Variants in NTF3 observed in about 807,000 individuals in gnomAD.
NTF3 encodes the protein neurotrophin 3.
A neutral mutation model predicts 26.3 loss-of-function variants in NTF3; 8 were observed. The ratio of observed to expected loss-of-function variants is 0.30; its 90% CI spans 0.18 to 0.55. The LOEUF (loss-of-function observed/expected upper bound fraction) is 0.55. NTF3 is among the 20% of genes least tolerant of loss of function. NTF3 has a pLI of 0.93. For synonymous variants in NTF3, 154 were observed against 145.5 expected (o/e 1.06, Z -0.42); for missense variants, 276 against 352.9 (o/e 0.78, Z 1.75).
intron 1 of NTF3, among the ~76,000 whole-genome samples, chr12:5,467,213 A>G (rs1940602029): frequency 7.7e-6 from 1 of 130,396 alleles, no homozygotes. Context: ...TGTGCAACAG[A>G]GCGAGACTCC....
intron 1 of NTF3, among the ~76,000 whole-genome samples, chr12:5,466,971 G>A (rs1312104141): frequency 3.3e-5 from 5 of 152,020 alleles, no homozygotes; most frequent in East Asian, 1.9e-4. Flanking sequence ...AGTGGCTCAC[G>A]CCTGTAATTC....
chr12:5,434,432 T>C (rs1282687731), intron 1 of NTF3, among the ~76,000 whole-genome samples: 1 of 151,034 alleles, frequency 6.6e-6, no homozygotes, highest in Non-Finnish European at 1.5e-5. Flanking sequence ...ATTGTGACCA[T>C]TGAGTGAGTG....
intron 1 of NTF3, among the ~76,000 whole-genome samples, chr12:5,450,371 G>A (rs1020355275): frequency 2.0e-5 from 3 of 152,192 alleles, no homozygotes; most frequent in Non-Finnish European, 4.4e-5. Context: ...TGATAGAAAT[G>A]TTTGGGGATT....
intron 1 of NTF3, among the ~76,000 whole-genome samples, chr12:5,481,602 CAT>C (rs1406340138): frequency 1.0e-4 from 13 of 129,202 alleles, no homozygotes; most frequent in South Asian, 2.7e-4. Flanking sequence ...ACCACACACA[CAT>C]ACAGACACAC....
chr12:5,488,327 T>G (rs1159801994), intron 1 of NTF3, among the ~76,000 whole-genome samples: 1 of 152,226 alleles, frequency 6.6e-6, no homozygotes, highest in Non-Finnish European at 1.5e-5. Context: ...CACTGGTGTC[T>G]GCAGCACCTT....
intron 1 of NTF3, among the ~76,000 whole-genome samples, chr12:5,440,679 G>A (rs888042168): frequency 6.6e-5 from 10 of 152,184 alleles, no homozygotes; most frequent in African/African-American, 2.4e-4. Context: ...AGAGAGCCCA[G>A]ACTAGCTGTG....
intron 1 of NTF3, among the ~76,000 whole-genome samples, chr12:5,458,594 G>A (rs1940484098): frequency 1.3e-5 from 2 of 152,318 alleles, no homozygotes; most frequent in South Asian, 4.1e-4. Context: ...TCTGGAATAA[G>A]ATCAAAGATC....
intron 1 of NTF3, among the ~76,000 whole-genome samples, chr12:5,483,835 A>G (rs1940835908): frequency 6.6e-6 from 1 of 152,254 alleles, no homozygotes; most frequent in Non-Finnish European, 1.5e-5. Flanking sequence ...GAAGTCACCC[A>G]GAGTGATTGC....
intron 1 of NTF3, among the ~76,000 whole-genome samples, chr12:5,462,638 T>C (rs1427065978): frequency 6.6e-6 from 1 of 152,226 alleles, no homozygotes; most frequent in Non-Finnish European, 1.5e-5. Context: ...CTTTGCTTCT[T>C]TTAACATCCT....
intron 1 of NTF3, among the ~76,000 whole-genome samples, chr12:5,442,264 G>A (rs1036956501): frequency 2.6e-5 from 4 of 152,216 alleles, no homozygotes; most frequent in Admixed American, 2.6e-4. Context: ...GGAGCAAGCT[G>A]GAGGGTCCAG....
chr12:5,453,121 A>G (rs1033073080), intron 1 of NTF3, among the ~76,000 whole-genome samples: 17 of 152,378 alleles, frequency 1.1e-4, no homozygotes, highest in African/African-American at 4.1e-4. Context: ...CACATGTAGA[A>G]TGCTTAGAAC....
At chr12:5,447,405 G>A (rs1057016883) in intron 1 of NTF3, among the ~76,000 whole-genome samples, 4 of 152,180 alleles carry the variant, frequency 2.6e-5, no homozygotes, top group Non-Finnish European at 5.9e-5. Context: ...TTCCCCTGTG[G>A]GATTATGCAC....
intron 1 of NTF3, among the ~76,000 whole-genome samples, chr12:5,452,742 C>A (rs888492933): frequency 6.6e-6 from 1 of 152,184 alleles, no homozygotes; most frequent in South Asian, 2.1e-4. Context: ...CGCATCCCCC[C>A]ACCTAGGGCA....
At position 5,432,231 on chromosome 12, in the gene NTF3, T is replaced by C; in HGVS notation, c.-94T>C. The C allele has an allele frequency of 7.3e-7, 1 of 1,371,322 alleles. No homozygotes were observed. The highest frequency in any genetic ancestry group is 1.0e-6 in the Non-Finnish European group (1 of 962,412). The allele number at this position is 1,371,322 out of a possible 1,614,324, so 84.9% of individuals were successfully genotyped here. On this transcript the variant is annotated 5_prime_UTR_variant, in exon 1 of 2. Coordinates refer to ENST00000423158, the MANE Select transcript of NTF3 (RefSeq NM_001102654.2). ...CTCTCCTTTTTCCCCTGCTGGGTAG[T>C]GGCTGCGGCGGGGTGGGGGAGACTT...
intron 1 of NTF3, among the ~76,000 whole-genome samples, chr12:5,493,055 A>G (rs1421815177): frequency 1.3e-5 from 2 of 152,174 alleles, no homozygotes; most frequent in Non-Finnish European, 2.9e-5. Flanking sequence ...TTAAGGAGTG[A>G]ATATCTCAAG....
rs1940447064 is a variant in NTF3 at position 5,456,291 on chromosome 12, T to A, written c.18+23949T>A. The stretch of plus-strand genomic sequence containing the variant: ...CTTTAGTAGGGCAGTGACAGCCCTT[T>A]TGAGAATCACATAGAATCGCATTGA... On this transcript the variant is annotated intron_variant, in intron 1 of 1. Transcript: ENST00000423158. The surrounding 1 kb of genome is among the most constrained non-coding windows in gnomAD (Gnocchi z 4.4). Among the ~76,000 whole-genome samples the A allele has an allele frequency of 6.6e-6, 1 of 152,166 alleles. No individual in the cohort carries two copies. The highest frequency in any genetic ancestry group is 1.5e-5 in the Non-Finnish European group (1 of 68,018).
chr12:5,479,483 A>G (rs1940761950), intron 1 of NTF3, among the ~76,000 whole-genome samples: 1 of 152,240 alleles, frequency 6.6e-6, no homozygotes, highest in African/African-American at 2.4e-5. Context: ...CCTGGTGATC[A>G]CAGGCATGTG....
intron 1 of NTF3, among the ~76,000 whole-genome samples, chr12:5,475,923 A>G (rs1294884664): frequency 1.3e-5 from 2 of 151,886 alleles, no homozygotes; most frequent in Non-Finnish European, 2.9e-5. Flanking sequence ...AAAGAGAGAA[A>G]GAGAGAAAAA....
intron 1 of NTF3, among the ~76,000 whole-genome samples, chr12:5,487,795 A>C (rs1413258190): frequency 6.6e-6 from 1 of 152,210 alleles, no homozygotes; most frequent in Non-Finnish European, 1.5e-5. Flanking sequence ...CTACATAGAT[A>C]CAGACCTGTC....
Sources: gnomAD v4.1 joint callset for allele counts (sites outside exome capture counted in the v4.1 genomes callset) on GRCh38, gnomAD v4.1.1 for gene constraint, Gnocchi (gnomAD v3.1) non-coding constraint, MANE v1.5 for transcripts, NCBI Gene and HGNC (gene_info 2026-07-23, HGNC 2026-07-21) for gene names.